EPB41: variants seen among roughly 807,000 people sequenced by gnomAD.
The protein encoded by EPB41 is erythrocyte membrane protein band 4.1.
Under a neutral mutation model 108.0 loss-of-function variants are expected in EPB41, and 65 were observed. The observed-to-expected ratio is 0.60, with a 90% confidence interval of 0.49 to 0.74. EPB41 has a LOEUF of 0.74. Among genes scored for constraint, EPB41 ranks in the 30% least tolerant of loss-of-function variants. The pLI, the probability that EPB41 is intolerant of heterozygous loss-of-function variation, is 0.00. For synonymous variants in EPB41, 336 were observed against 358.9 expected (o/e 0.94, Z 0.72); for missense variants, 875 against 1,037.0 (o/e 0.84, Z 2.15).
At chr1:28,931,047 A>G (rs1004035092) in intron 1 of EPB41, among the ~76,000 whole-genome samples, 2 of 152,152 alleles carry the variant, frequency 1.3e-5, no homozygotes, top group African/African-American at 4.8e-5. Context: ...ATACAAAACT[A>G]GGGATGAAAA....
chr1:28,930,745 A>C (rs1184283455), intron 1 of EPB41, among the ~76,000 whole-genome samples: 1 of 152,142 alleles, frequency 6.6e-6, no homozygotes, highest in Non-Finnish European at 1.5e-5. Flanking sequence ...TCAGCCTCCC[A>C]AAGTGCTGAG....
intron 11 of EPB41, among the ~76,000 whole-genome samples, chr1:29,049,270 T>C (rs1369308429): frequency 6.6e-5 from 10 of 152,342 alleles, no homozygotes; most frequent in South Asian, 6.2e-4. Context: ...TTTCCATGTA[T>C]TCCTATTTAA....
intron 19 of EPB41, 96 bp downstream of exon 19, chr1:29,112,544 C>T (rs1220225377): frequency 4.1e-6 from 4 of 975,104 alleles, no homozygotes; most frequent in Admixed American, 1.7e-5. Flanking sequence ...CTGCAAAAAG[C>T]CTCTTTGGCC....
At chr1:29,068,676 C>A in intron 16 of EPB41, 1 of 1,069,210 alleles carries the variant, frequency 9.4e-7, no homozygotes, top group Non-Finnish European at 1.2e-6. Flanking sequence ...CCACCTTTGA[C>A]GGTATTGTTG....
chr1:29,110,925 G>C (rs1173785637), intron 18 of EPB41, among the ~76,000 whole-genome samples: 1 of 152,148 alleles, frequency 6.6e-6, no homozygotes, highest in Non-Finnish European at 1.5e-5. Flanking sequence ...CCAACACTTT[G>C]GGAGGCCAAG....
chr1:28,976,373 G>A (rs183146257), intron 1 of EPB41, among the ~76,000 whole-genome samples: 18 of 152,152 alleles, frequency 1.2e-4, no homozygotes, highest in Admixed American at 1.1e-3. Context: ...TTATTTTTGA[G>A]AGATAGGGTT....
intron 10 of EPB41, among the ~76,000 whole-genome samples, 163 bp downstream of exon 10, chr1:29,036,086 G>T (rs1639314716): frequency 6.6e-6 from 1 of 151,912 alleles, no homozygotes; most frequent in African/African-American, 2.4e-5. Context: ...TCTCCCTTTG[G>T]GTTGAAAAGT....
rs2096073141 is a variant in EPB41 at position 28,993,442 on chromosome 1, A to G, written c.581A>G (p.Glu194Gly). The G allele has an allele frequency of 1.2e-6, 2 of 1,614,086 alleles. No homozygotes were observed. The highest frequency in any genetic ancestry group is 1.7e-4 in the Middle Eastern group (1 of 6,044). Residue 194 changes from glutamate (E) to glycine (G), a missense_variant, in exon 3 of 21, where the codon GAA becomes GGA. By Grantham distance (98) the Glu-to-Gly change is moderately conservative (BLOSUM62 -2). Transcript: ENST00000343067. ...GAAGAAAGCCCTCAATCAAAAGCAG[A>G]AACAGAATTAAAAGCTTCCCAAAAA... ...VKEESPQSKAETELKASQKPI... is the reference protein window; with the variant it reads ...VKEESPQSKAGTELKASQKPI...
At chr1:28,930,350 T>C (rs2093679312) in intron 1 of EPB41, among the ~76,000 whole-genome samples, 1 of 151,276 alleles carries the variant, frequency 6.6e-6, no homozygotes, top group Non-Finnish European at 1.5e-5. Flanking sequence ...TTTTTTTTTA[T>C]AGAAACGGGG....
intron 17 of EPB41, among the ~76,000 whole-genome samples, chr1:29,106,631 T>A (rs1283828216): frequency 7.3e-6 from 1 of 137,102 alleles, no homozygotes; most frequent in Admixed American, 8.2e-5. Flanking sequence ...TGGAGTGCAG[T>A]GACACAATCT....
intron 11 of EPB41, among the ~76,000 whole-genome samples, chr1:29,048,047 G>C (rs993019473): frequency 6.6e-6 from 1 of 152,068 alleles, no homozygotes; most frequent in African/African-American, 2.4e-5. Flanking sequence ...GCCTCCCAAA[G>C]TTCTGGGATT....
rs146907894 is a variant in EPB41, at chr1:29,011,008, C to T, written c.787-857C>T. On this transcript the variant is annotated intron_variant, in intron 4 of 20. Transcript: ENST00000343067. The stretch of plus-strand genomic sequence containing the variant: ...TGGCATGCACCTGTAATCCCAGCTA[C>T]TCAGGAGGCGGAGGCAGGAGAATCA... 2.9e-3 allele frequency among the ~76,000 whole-genome samples: 436 copies of T among 151,826 alleles called. 3 individuals carry two copies. The highest frequency in any genetic ancestry group is 1.0e-2 in the African/African-American group (412 of 41,388).
intron 1 of EPB41, among the ~76,000 whole-genome samples, chr1:28,953,725 A>T (rs2094834642): frequency 6.6e-6 from 1 of 152,222 alleles, no homozygotes; most frequent in Non-Finnish European, 1.5e-5. Context: ...ACATGCTTTC[A>T]ATTTATTTGT....
Position 29,018,193 on chromosome 1 carries a change from C to T in EPB41, c.906-31C>T, listed in dbSNP as rs555214694. ...TCTTTATATTTTGTTGTTGTTGTTG[C>T]TGACATAACATTTTTCTCTTTTGGC... On this transcript the variant is annotated intron_variant, in intron 6 of 20. Coordinates refer to ENST00000343067, the MANE Select transcript of EPB41 (RefSeq NM_001376013.1). The surrounding 1 kb of genome is among the most constrained non-coding windows in gnomAD (Gnocchi z 4.4). 8 of 1,588,874 alleles carry T rather than the reference C, an allele frequency of 5.0e-6. No individual in the cohort carries two copies. The highest frequency in any genetic ancestry group is 6.9e-6 in the Non-Finnish European group (8 of 1,157,726).
At chr1:28,956,576 G>A (rs2094958286) in intron 1 of EPB41, among the ~76,000 whole-genome samples, 1 of 152,098 alleles carries the variant, frequency 6.6e-6, no homozygotes, top group South Asian at 2.1e-4. Flanking sequence ...AATCTTTGTT[G>A]GGCTGTACTC....
chr1:29,068,999 G>T (rs756835244), intron 16 of EPB41, among the ~76,000 whole-genome samples: 17 of 152,170 alleles, frequency 1.1e-4, no homozygotes, highest in Non-Finnish European at 2.2e-4. Context: ...TCGGCGCATG[G>T]CTGGTTGAAA....
chr1:29,074,733 A>G (rs1160417239), intron 16 of EPB41, among the ~76,000 whole-genome samples: 1 of 152,234 alleles, frequency 6.6e-6, no homozygotes, highest in Non-Finnish European at 1.5e-5. Flanking sequence ...TAGAACTTGA[A>G]AGACAAAAGG....
At chr1:28,975,824 C>G (rs528277634) in intron 1 of EPB41, among the ~76,000 whole-genome samples, 2 of 150,778 alleles carry the variant, frequency 1.3e-5, no homozygotes, top group African/African-American at 4.9e-5. Flanking sequence ...AAAAATTAGC[C>G]GGGCATGGTG....
At chr1:29,013,261 G>T (rs1443804748) in intron 5 of EPB41, among the ~76,000 whole-genome samples, 1 of 151,638 alleles carries the variant, frequency 6.6e-6, no homozygotes, top group Non-Finnish European at 1.5e-5. Flanking sequence ...GGAGTCGGAG[G>T]TGGCAGTGAG....
Sources: gnomAD v4.1 joint callset for allele counts (sites outside exome capture counted in the v4.1 genomes callset) on GRCh38, gnomAD v4.1.1 for gene constraint, Gnocchi (gnomAD v3.1) non-coding constraint, MANE v1.5 for transcripts, NCBI Gene and HGNC (gene_info 2026-07-23, HGNC 2026-07-21) for gene names.